The following PAK1 variants were observed in gnomAD, a reference collection of about 807,000 sequenced individuals.
PAK1 encodes serine/threonine-protein kinase PAK 1.
PAK1 carries 29 observed loss-of-function variants against 67.4 expected under a neutral mutation model. That is an observed-to-expected ratio of 0.43 (90% CI 0.32 to 0.59). The LOEUF is 0.59. PAK1 is among the 20% of genes least tolerant of loss of function. The pLI is 0.07. For synonymous variants in PAK1, 223 were observed against 237.4 expected (o/e 0.94, Z 0.56); for missense variants, 337 against 670.7 (o/e 0.50, Z 5.50).
At chr11:77,442,872 C>CA (rs1956418019) in intron 1 of PAK1, among the ~76,000 whole-genome samples, 1 of 152,170 alleles carries the variant, frequency 6.6e-6, no homozygotes, top group Non-Finnish European at 1.5e-5. Flanking sequence ...TAAACAACAA[C>CA]AGTCTCTGCT....
At chr11:77,392,105 G>A (rs972687490) in intron 2 of PAK1, among the ~76,000 whole-genome samples, 3 of 152,124 alleles carry the variant, frequency 2.0e-5, no homozygotes, top group Non-Finnish European at 4.4e-5. Flanking sequence ...AATCTGGCAA[G>A]AGCATAATTA....
chr11:77,403,283 G>A (rs956410101), intron 1 of PAK1, among the ~76,000 whole-genome samples: 9 of 152,116 alleles, frequency 5.9e-5, no homozygotes, highest in African/African-American at 2.2e-4. Context: ...TTTAGTTCCA[G>A]GTTCAATCTT....
At chr11:77,488,473 T>A in the PAK1 span, among the ~76,000 whole-genome samples, 3 of 152,012 alleles carry the variant, frequency 2.0e-5, no homozygotes, top group Non-Finnish European at 2.9e-5. Context: ...AATCCCAGAG[T>A]AATAGAGATA....
intron 6 of PAK1, 73 bp downstream of exon 6, chr11:77,358,825 A>G (rs1946390614): frequency 1.3e-6 from 2 of 1,483,458 alleles, no homozygotes; most frequent in Admixed American, 1.8e-5. Flanking sequence ...ACTTCTAGGT[A>G]TCAGCACCAA....
At chr11:77,379,551 C>A in intron 3 of PAK1, 163 bp from the exon 4 acceptor site, 2 of 634,684 alleles carry the variant, frequency 3.2e-6, no homozygotes, top group South Asian at 2.1e-5. Context: ...TTTATAATAT[C>A]TTTCTCATTG....
the PAK1 span, among the ~76,000 whole-genome samples, chr11:77,481,987 C>T: frequency 6.6e-6 from 1 of 151,596 alleles, no homozygotes; most frequent in South Asian, 2.1e-4. Context: ...TTCTTTTTAC[C>T]GTTTTGCTTC....
chr11:77,355,839 A>G lies in PAK1; in HGVS notation c.601T>C (p.Tyr201His), dbSNP rs775172015. ...AGTGGTTCAATCACAGACCGTGTGT[A>G]TACCTGCATTATTAGTGCAAAATTT... ...APRPEHTKSV[Y>H]TRSVIEPLPV... The change falls in exon 7 of 15, where the codon TAC (tyrosine) becomes CAC (histidine). Residue 201 changes from tyrosine to histidine, a missense_variant. Coordinates refer to ENST00000356341, the MANE Select transcript of PAK1 (RefSeq NM_002576.5). The G allele has an allele frequency of 2.5e-6, 4 of 1,613,108 alleles. No homozygotes were observed. The highest frequency in any genetic ancestry group is 1.7e-4 in the Middle Eastern group (1 of 6,050).
chr11:77,509,771 C>T, the PAK1 span, among the ~76,000 whole-genome samples: 8 of 152,136 alleles, frequency 5.3e-5, no homozygotes, highest in Non-Finnish European at 1.0e-4. Flanking sequence ...CTGCTCTCAC[C>T]GTGTGAAGTG....
intron 1 of PAK1, among the ~76,000 whole-genome samples, chr11:77,453,402 A>G (rs566526656): frequency 5.9e-5 from 9 of 152,076 alleles, no homozygotes; most frequent in Non-Finnish European, 1.3e-4. Flanking sequence ...TGTCTGTCCT[A>G]GTTTCTTTAT....
intron 1 of PAK1, among the ~76,000 whole-genome samples, chr11:77,453,227 G>A (rs1189525515): frequency 2.0e-5 from 3 of 152,030 alleles, no homozygotes; most frequent in African/African-American, 4.8e-5. Context: ...TATGGCGCAC[G>A]CCTATAGTCC....
At chr11:77,331,293 C>A (rs977763919) in intron 14 of PAK1, among the ~76,000 whole-genome samples, 1 of 152,096 alleles carries the variant, frequency 6.6e-6, no homozygotes, top group African/African-American at 2.4e-5. Context: ...GGGTATATAC[C>A]CAAAGGATTA....
At chr11:77,395,656 T>C (rs1008029576) in intron 1 of PAK1, among the ~76,000 whole-genome samples, 3 of 152,096 alleles carry the variant, frequency 2.0e-5, no homozygotes, top group Non-Finnish European at 4.4e-5. Context: ...TTCTCCCTTC[T>C]CTGACTGATA....
the PAK1 span, among the ~76,000 whole-genome samples, chr11:77,495,625 G>C: frequency 6.6e-6 from 1 of 152,120 alleles, no homozygotes; most frequent in Non-Finnish European, 1.5e-5. Context: ...ATTGCCAAAA[G>C]GTGGAAACAA....
chr11:77,475,553 C>G (rs1367769415), upstream of PAK1: 4 of 152,192 alleles, frequency 2.6e-5, no homozygotes, highest in African/African-American at 4.8e-5. Context: ...TTGCTCCAAG[C>G]ACACTGAAAT....
chr11:77,441,941 G>T (rs1042600081), intron 1 of PAK1, among the ~76,000 whole-genome samples: 2 of 152,110 alleles, frequency 1.3e-5, no homozygotes, highest in African/African-American at 4.8e-5. Flanking sequence ...AAAGTGTCTG[G>T]TTGCTGGTAA....
the PAK1 span, among the ~76,000 whole-genome samples, chr11:77,509,739 C>T: frequency 2.6e-5 from 4 of 152,120 alleles, no homozygotes; most frequent in Non-Finnish European, 4.4e-5. Flanking sequence ...TGTGGCACCT[C>T]CCACCACACT....
the PAK1 span, among the ~76,000 whole-genome samples, chr11:77,528,694 T>G: frequency 6.6e-6 from 1 of 152,212 alleles, no homozygotes; most frequent in East Asian, 1.9e-4. Flanking sequence ...CAGCTCCCTT[T>G]TTCTTCATAC....
Position 77,358,903 on chromosome 11 carries a change from T to C in PAK1, c.592A>G (p.Lys198Glu). Reference protein sequence around the residue: ...PVIAPRPEHTKSVYTRSVIEP... With the variant: ...PVIAPRPEHTESVYTRSVIEP... ...CCAGGTCCCCAAAGACTCACAGATT[T>C]TGTGTGCTCTGGGCGTGGAGCAATC... is the stretch of plus-strand genomic sequence containing the variant. The change falls in exon 6 of 15, where the codon AAA becomes GAA. Residue 198 changes from lysine (K) to glutamate (E), a missense_variant. Coordinates refer to ENST00000356341, the MANE Select transcript of PAK1 (RefSeq NM_002576.5). 1.9e-6 allele frequency: 3 copies of C among 1,613,666 alleles called. No homozygotes were observed. The highest frequency in any genetic ancestry group is 2.5e-6 in the Non-Finnish European group (3 of 1,179,682).
intron 2 of PAK1, among the ~76,000 whole-genome samples, chr11:77,384,914 A>T (rs60470770): frequency 0.034 from 5,225 of 151,920 alleles, 148 homozygotes; most frequent in African/African-American, 0.078. Context: ...TCAATTTTTT[A>T]AAAAAAAGTG....
Sources: allele counts gnomAD v4.1 joint callset (sites outside exome capture counted in the v4.1 genomes callset), GRCh38; gene constraint gnomAD v4.1.1; transcripts MANE v1.5; gene names NCBI Gene and HGNC (gene_info 2026-07-23, HGNC 2026-07-21).